Variants in OR9Q1 observed in about 807,000 individuals in gnomAD.
OR9Q1 encodes the protein olfactory receptor family 9 subfamily Q member 1.
For missense variants in OR9Q1, 374 were observed against 378.8 expected, an observed-to-expected ratio of 0.99 and a Z score of 0.11; for synonymous variants, 153 against 148.6, an observed-to-expected ratio of 1.03 and a Z score of -0.22.
intron 2 of OR9Q1, among the ~76,000 whole-genome samples, chr11:58,115,525 G>T (rs1263481228): frequency 6.6e-6 from 1 of 152,126 alleles, no homozygotes; most frequent in Non-Finnish European, 1.5e-5. Context: ...TAAAAATAAA[G>T]AAAAGGAAGG....
chr11:58,070,501 T>A (rs565407454), intron 2 of OR9Q1, among the ~76,000 whole-genome samples: 1 of 152,318 alleles, frequency 6.6e-6, no homozygotes, highest in South Asian at 2.1e-4. Context: ...CTCATGCACA[T>A]CAATTTATGC....
chr11:58,044,544 C>T (rs1853197702), intron 1 of OR9Q1: 1 of 152,188 alleles, frequency 6.6e-6, no homozygotes, highest in African/African-American at 2.4e-5. Flanking sequence ...TAAGCCTCAT[C>T]GTTTTCACTT....
chr11:58,119,148 G>A, intron 2 of OR9Q1: 1 of 1,614,006 alleles, frequency 6.2e-7, no homozygotes. Context: ...AAAAGAACTG[G>A]GCAGCACAGT....
intron 2 of OR9Q1, among the ~76,000 whole-genome samples, chr11:58,139,824 C>T (rs201503438): frequency 6.6e-6 from 1 of 151,368 alleles, no homozygotes; most frequent in East Asian, 1.9e-4. Flanking sequence ...GGGTCAAATG[C>T]TATTTCTAGT....
In OR9Q1 at chr11:58,045,853, C is replaced by T. The variant is rs114827065; in HGVS notation, c.-92-10017C>T. On this transcript the variant is annotated intron_variant, in intron 1 of 2. Coordinates refer to ENST00000335397, the MANE Select transcript of OR9Q1 (RefSeq NM_001005212.4). The stretch of plus-strand genomic sequence containing the variant: ...CCAGGGTGTCTAAACCTCAGCACTA[C>T]TGACACAGGGGCTGGATAATTCTTT... Among the ~76,000 whole-genome samples the T allele has an allele frequency of 6.2e-3, 943 of 152,322 alleles. 7 individuals are homozygous for T. The highest frequency in any genetic ancestry group is 0.021 in the African/African-American group (888 of 41,566).
chr11:58,061,935 G>A (rs1234414262), intron 2 of OR9Q1, among the ~76,000 whole-genome samples: 3 of 152,190 alleles, frequency 2.0e-5, no homozygotes, highest in East Asian at 1.9e-4. Context: ...ACTAATATGA[G>A]CAAAACCTAC....
intron 2 of OR9Q1, among the ~76,000 whole-genome samples, chr11:58,059,167 G>A (rs1425316845): frequency 1.6e-4 from 24 of 152,190 alleles, no homozygotes; most frequent in Admixed American, 1.5e-3. Flanking sequence ...TTTTTAGAAA[G>A]GAATGCAGCG....
chr11:58,062,356 T>C (rs1853388002), intron 2 of OR9Q1, among the ~76,000 whole-genome samples: 1 of 152,204 alleles, frequency 6.6e-6, no homozygotes, highest in Non-Finnish European at 1.5e-5. Context: ...AGCCACTTTT[T>C]AGTTGATTGG....
At chr11:58,174,473 T>G (rs764495477) in intron 2 of OR9Q1, among the ~76,000 whole-genome samples, 1 of 152,014 alleles carries the variant, frequency 6.6e-6, no homozygotes, top group Non-Finnish European at 1.5e-5. Context: ...AAGAGCTAAC[T>G]AAGTACCCCA....
intron 2 of OR9Q1, chr11:58,057,583 T>C (rs1853340428): frequency 6.6e-6 from 1 of 152,256 alleles, no homozygotes; most frequent in Non-Finnish European, 1.5e-5. Context: ...TTGGATGTTT[T>C]ACATTGCAGA....
intron 1 of OR9Q1, among the ~76,000 whole-genome samples, chr11:58,032,881 A>T (rs985060766): frequency 6.6e-6 from 1 of 152,246 alleles, no homozygotes; most frequent in Non-Finnish European, 1.5e-5. Context: ...TTTAATATCC[A>T]GAATCTATAA....
At chr11:58,156,726 T>A (rs532351527) in intron 2 of OR9Q1, among the ~76,000 whole-genome samples, 1 of 152,208 alleles carries the variant, frequency 6.6e-6, no homozygotes, top group South Asian at 2.1e-4. Context: ...CTTCTGTGTA[T>A]TGATCTATAC....
At chr11:58,140,308 A>G (rs1337780447) in intron 2 of OR9Q1, among the ~76,000 whole-genome samples, 1 of 152,038 alleles carries the variant, frequency 6.6e-6, no homozygotes, top group Non-Finnish European at 1.5e-5. Context: ...CCATTTGTCA[A>G]TTTTGGCTTT....
intron 2 of OR9Q1, among the ~76,000 whole-genome samples, chr11:58,174,882 G>A (rs1854589345): frequency 6.6e-6 from 1 of 151,380 alleles, no homozygotes; most frequent in South Asian, 2.1e-4. Flanking sequence ...GAGGCAGGCA[G>A]ATTACTTGAG....
chr11:58,168,268 A>C (rs753022598), intron 2 of OR9Q1, among the ~76,000 whole-genome samples: 1 of 152,140 alleles, frequency 6.6e-6, no homozygotes, highest in Non-Finnish European at 1.5e-5. Context: ...AGAGCTAACC[A>C]CTACCCTGAA....
intron 2 of OR9Q1, among the ~76,000 whole-genome samples, chr11:58,062,728 T>C (rs1030466946): frequency 5.3e-5 from 8 of 152,208 alleles, no homozygotes; most frequent in Non-Finnish European, 1.2e-4. Flanking sequence ...AATCAAGATC[T>C]TAAAAAAGTA....
At chr11:58,030,956 C>G (rs202206886) in intron 1 of OR9Q1, 1 of 1,608,158 alleles carries the variant, frequency 6.2e-7, no homozygotes, top group African/African-American at 1.3e-5. Context: ...GCCACATATG[C>G]AACCATATAC....
At chr11:58,175,596 A>C (rs748194541) in intron 2 of OR9Q1, among the ~76,000 whole-genome samples, 73 of 152,164 alleles carry the variant, frequency 4.8e-4, no homozygotes, top group Non-Finnish European at 9.4e-4. Flanking sequence ...TTAGGAGTTT[A>C]GTACTTGTTA....
intron 1 of OR9Q1, chr11:58,031,996 A>G (rs1428030354): frequency 8.6e-6 from 6 of 700,258 alleles, no homozygotes; most frequent in African/African-American, 1.8e-5. Flanking sequence ...TCAAGAATGC[A>G]GTTCCATTTA....
Sources: allele counts gnomAD v4.1 joint callset (sites outside exome capture counted in the v4.1 genomes callset), GRCh38; gene constraint gnomAD v4.1.1; transcripts MANE v1.5; gene names NCBI Gene and HGNC (gene_info 2026-07-23, HGNC 2026-07-21).